E2F7: variants seen among roughly 807,000 people sequenced by gnomAD.
The protein encoded by E2F7 is transcription factor E2F7.
In E2F7, 35 loss-of-function variants were observed where a neutral mutation model predicts 81.1. That is an observed-to-expected ratio of 0.43 (90% CI 0.33 to 0.57). The LOEUF is 0.57. E2F7 is among the 20% of genes least tolerant of loss of function. The pLI is 0.04. For missense variants in E2F7, 961 were observed against 1,093.7 expected (o/e 0.88, Z 1.71); for synonymous variants, 416 against 416.2 (o/e 1.00, Z 0.01).
chr12:77,049,347 T>C (rs372201132), intron 4 of E2F7, among the ~76,000 whole-genome samples: 2 of 152,148 alleles, frequency 1.3e-5, no homozygotes. Context: ...AGCATTCTAC[T>C]TCCTCTTCCT....
intron 9 of E2F7, among the ~76,000 whole-genome samples, chr12:77,031,625 A>G (rs1592555539): frequency 6.6e-6 from 1 of 152,194 alleles, no homozygotes; most frequent in South Asian, 2.1e-4. Flanking sequence ...TGCGCAACAG[A>G]GTGAGACTCT....
At chr12:77,034,817 T>C (rs1020105450) in intron 7 of E2F7, among the ~76,000 whole-genome samples, 3 of 152,236 alleles carry the variant, frequency 2.0e-5, no homozygotes, top group Non-Finnish European at 4.4e-5. Context: ...AAGGCCCAGC[T>C]GGACTTATAT....
chr12:77,046,872 G>T (rs186088910), intron 4 of E2F7, among the ~76,000 whole-genome samples: 1 of 152,342 alleles, frequency 6.6e-6, no homozygotes, highest in Admixed American at 6.5e-5. Flanking sequence ...TAAGGAAAAT[G>T]GATGCAAATA....
At chr12:77,057,454 C>T (rs1592567480) in intron 2 of E2F7, among the ~76,000 whole-genome samples, 1 of 152,144 alleles carries the variant, frequency 6.6e-6, no homozygotes. Flanking sequence ...AAGTAATCAT[C>T]CCATCTTGGC....
chr12:77,036,790 G>A (rs1399469561), intron 7 of E2F7, among the ~76,000 whole-genome samples: 1 of 150,886 alleles, frequency 6.6e-6, no homozygotes, highest in African/African-American at 2.4e-5. Context: ...CGCCCAGGCT[G>A]GAGTGCAGTG....
At chr12:77,034,331 A>G (rs1954831431) in intron 7 of E2F7, among the ~76,000 whole-genome samples, 1 of 152,212 alleles carries the variant, frequency 6.6e-6, no homozygotes, top group Non-Finnish European at 1.5e-5. Context: ...TTCAACCCGA[A>G]TTAGAATGAG....
chr12:77,028,039 C>T lies in E2F7; in HGVS notation c.1984G>A (p.Ala662Thr). Residue 662 changes from alanine (A) to threonine (T), a missense_variant, in exon 11 of 13, where the codon GCA (alanine) becomes ACA (threonine). Physicochemically the swap from Ala to Thr is moderately conservative, Grantham distance 58. This residue lies in a region of E2F7 where 587 missense variants were observed against 620.3 expected (regional missense o/e 0.95). Transcript: ENST00000322886. ...GTTGCCTTTCCTGAAATCTCTTCTG[C>T]AGCAGGGAGTTGGCCATTCACATGA... is the stretch of plus-strand genomic sequence containing the variant. The part of the protein sequence containing the change: ...DIHVNGQLPA[A>T]EEISGKATAN... 6.2e-7 allele frequency: 1 copy of T among 1,614,200 alleles called. No homozygotes were observed. The highest frequency in any genetic ancestry group is 8.5e-7 in the Non-Finnish European group (1 of 1,180,034).
intron 2 of E2F7, among the ~76,000 whole-genome samples, chr12:77,056,930 C>T (rs1955038258): frequency 6.6e-6 from 1 of 151,368 alleles, no homozygotes; most frequent in South Asian, 2.1e-4. Context: ...CTCTGTTGCC[C>T]AGCCTGAGTA....
intron 2 of E2F7, among the ~76,000 whole-genome samples, chr12:77,058,472 A>T (rs951251944): frequency 1.3e-5 from 2 of 152,106 alleles, no homozygotes; most frequent in African/African-American, 4.8e-5. Context: ...CTGGGCACAA[A>T]CTGGGAGGAA....
At chr12:77,045,410 T>C (rs1954931738) in intron 5 of E2F7, among the ~76,000 whole-genome samples, 1 of 152,182 alleles carries the variant, frequency 6.6e-6, no homozygotes, top group East Asian at 1.9e-4. Flanking sequence ...GGGGTGGAAC[T>C]AAAAGGCAGG....
In E2F7 at chr12:77,033,835, T is replaced by C. The variant is rs775274989; in HGVS notation, c.1309+22A>G. 4.0e-5 allele frequency: 63 copies of C among 1,565,562 alleles called. No homozygotes were observed. In the African/African-American group the frequency reaches 7.8e-4, roughly 19 times the overall value. The stretch of plus-strand genomic sequence containing the variant: ...GCTACATGGCAACTGATGGACTCCA[T>C]AGATTATGCAAGGGCAGATACCTTG... On this transcript the variant is annotated intron_variant, in intron 8 of 12. Transcript: ENST00000322886.
chr12:77,034,148 A>G, intron 7 of E2F7, 106 bp from the exon 8 acceptor site: 1 of 923,338 alleles, frequency 1.1e-6, no homozygotes, highest in Non-Finnish European at 1.5e-6. Context: ...TGGAGCTATC[A>G]CCCTATAAAT....
chr12:77,026,862 A>G (rs1288592917), intron 11 of E2F7, among the ~76,000 whole-genome samples: 2 of 152,174 alleles, frequency 1.3e-5, no homozygotes, highest in Non-Finnish European at 1.5e-5. Flanking sequence ...GTTGCATTCA[A>G]TATAATTGGC....
chr12:77,046,299 C>G lies in E2F7; in HGVS notation c.568G>C (p.Val190Leu). 6.2e-7 allele frequency: 1 copy of G among 1,614,124 alleles called. No individual in the cohort carries two copies. The highest frequency in any genetic ancestry group is 8.5e-7 in the Non-Finnish European group (1 of 1,180,004). ...GVERRRIYDI[V>L]NVLESLHLVS... ...AGATGCAGCGACTCCAGCACATTTACAATGTCATAGATGCGTCTCCTTTCC... is the reference window on the plus strand; with the variant it reads ...AGATGCAGCGACTCCAGCACATTTAGAATGTCATAGATGCGTCTCCTTTCC... The change falls in exon 5 of 13, where the codon GTA (valine) becomes CTA (leucine). Residue 190 changes from valine to leucine, a missense_variant. By Grantham distance (32) the Val-to-Leu change is conservative. Coordinates refer to ENST00000322886, the MANE Select transcript of E2F7 (RefSeq NM_203394.3).
intron 11 of E2F7, among the ~76,000 whole-genome samples, chr12:77,026,654 C>A (rs1201734318): frequency 6.6e-6 from 1 of 152,098 alleles, no homozygotes; most frequent in Admixed American, 6.5e-5. Flanking sequence ...TCAATTATCA[C>A]AGGCAACAAA....
rs752477726 is a variant in E2F7 at position 77,050,610 on chromosome 12, A to C, written c.504T>G (p.Thr168=). Residue 168 remains threonine (T), a synonymous_variant, in exon 4 of 13, where the codon ACT becomes ACG. Coordinates refer to ENST00000322886, the MANE Select transcript of E2F7 (RefSeq NM_203394.3). The stretch of plus-strand genomic sequence containing the variant: ...CAGCAACTTCATCTAGGGAGATGGT[A>C]GTTTTCTCAGTTGACAAGGGATAAC... The part of the protein sequence containing the change: ...YPSYPLSTEK[T]TISLDEVAVS... 3.7e-6 allele frequency: 6 copies of C among 1,613,930 alleles called. No homozygotes were observed. The Admixed American group carries it at 1.0e-4, about 27-fold the overall frequency.
At chr12:77,044,283 T>C in intron 6 of E2F7, 1 of 464,316 alleles carries the variant, frequency 2.2e-6, no homozygotes, top group Non-Finnish European at 4.3e-6. Context: ...CAGAAGAGTA[T>C]GCAGGGGGTG....
At position 77,030,118 on chromosome 12, in the gene E2F7, C is replaced by T. The variant is rs1236102573; in HGVS notation, c.1597G>A (p.Val533Met). ...AGGAGTGCTGGCTTCAGGCTCTCCA[C>T]AGCAGAGGCTGCAGAAGCAAGTGAG... ...DVSLASAASA[V>M]ESLKPALLAG... Residue 533 changes from valine (V) to methionine (M), a missense_variant, in exon 10 of 13, where the codon GTG (valine) becomes ATG (methionine). Physicochemically the swap from Val to Met is conservative, Grantham distance 21. Transcript: ENST00000322886. 3.1e-6 allele frequency: 5 copies of T among 1,614,116 alleles called. No individual in the cohort carries two copies. The highest frequency in any genetic ancestry group is 1.3e-5 in the African/African-American group (1 of 74,942).
chr12:77,047,578 G>A (rs1001100614), intron 4 of E2F7, among the ~76,000 whole-genome samples: 11 of 152,200 alleles, frequency 7.2e-5, no homozygotes, highest in African/African-American at 2.7e-4. Context: ...TCACTTGCCA[G>A]GAGCTGTTAT....
Sources: allele counts gnomAD v4.1 joint callset (sites outside exome capture counted in the v4.1 genomes callset), GRCh38; gene constraint gnomAD v4.1.1; regional missense constraint gnomAD v4.1.1; transcripts MANE v1.5; gene names NCBI Gene and HGNC (gene_info 2026-07-23, HGNC 2026-07-21).